The following CACNA2D1 variants were observed in gnomAD, a reference collection of about 807,000 sequenced individuals.
CACNA2D1 encodes calcium voltage-gated channel auxiliary subunit alpha2delta 1.
A neutral mutation model predicts 171.5 loss-of-function variants in CACNA2D1; 53 were observed. The observed-to-expected ratio is 0.31, with a 90% confidence interval of 0.25 to 0.39. The LOEUF (loss-of-function observed/expected upper bound fraction) is 0.39, where lower values mean the gene tolerates loss of function less well. Ranked by LOEUF, CACNA2D1 falls within the 10% of genes least tolerant of loss-of-function variation. CACNA2D1 has a pLI of 1.00. For missense variants in CACNA2D1, 903 were observed against 1,299.8 expected, an observed-to-expected ratio of 0.69 and a Z score of 4.69; for synonymous variants, 442 against 443.1, an observed-to-expected ratio of 1.00 and a Z score of 0.03.
chr7:82,089,226 A>G (rs953981329), intron 6 of CACNA2D1, among the ~76,000 whole-genome samples: 1 of 152,196 alleles, frequency 6.6e-6, no homozygotes, highest in Non-Finnish European at 1.5e-5. Context: ...TGAGATTAGA[A>G]GTACATGAGT....
chr7:82,137,185 AT>A (rs1354251433), intron 4 of CACNA2D1, among the ~76,000 whole-genome samples: 1 of 152,182 alleles, frequency 6.6e-6, no homozygotes, highest in African/African-American at 2.4e-5. Flanking sequence ...ATAGTAAAAA[AT>A]ATCAGATTAT....
chr7:81,986,366 T>A (rs1796969776), intron 21 of CACNA2D1, among the ~76,000 whole-genome samples: 1 of 146,540 alleles, frequency 6.8e-6, no homozygotes, highest in Non-Finnish European at 1.5e-5. Flanking sequence ...TTTAATTAAT[T>A]AATTAATTTT....
At chr7:82,136,406 T>C (rs1031397058) in intron 5 of CACNA2D1, among the ~76,000 whole-genome samples, 7 of 151,928 alleles carry the variant, frequency 4.6e-5, no homozygotes, top group African/African-American at 1.7e-4. Flanking sequence ...AAAAGTGCAG[T>C]GAGGGTTCAG....
intron 1 of CACNA2D1, among the ~76,000 whole-genome samples, chr7:82,372,787 G>T (rs1276743420): frequency 6.6e-6 from 1 of 152,144 alleles, no homozygotes; most frequent in East Asian, 1.9e-4. Context: ...AGCAATGGAT[G>T]ATTAAGTATT....
At chr7:82,166,726 G>A (rs1795492804) in intron 4 of CACNA2D1, among the ~76,000 whole-genome samples, 1 of 151,984 alleles carries the variant, frequency 6.6e-6, no homozygotes, top group East Asian at 1.9e-4. Context: ...ATTGTATGGA[G>A]ACCTAGCAGG....
chr7:82,042,559 G>A (rs141263432), intron 10 of CACNA2D1, among the ~76,000 whole-genome samples: 364 of 152,130 alleles, frequency 2.4e-3, no homozygotes, highest in African/African-American at 8.0e-3. Flanking sequence ...AACTAAGTAG[G>A]TCACTCATTA....
intron 1 of CACNA2D1, among the ~76,000 whole-genome samples, chr7:82,420,540 G>C (rs1249827140): frequency 6.6e-6 from 1 of 152,018 alleles, no homozygotes; most frequent in Non-Finnish European, 1.5e-5. Context: ...GTCAGAAACA[G>C]AACCACTCTC....
intron 4 of CACNA2D1, among the ~76,000 whole-genome samples, chr7:82,152,563 ATAG>A (rs1472385178): frequency 3.0e-4 from 46 of 152,128 alleles, no homozygotes; most frequent in African/African-American, 1.0e-3. Context: ...CATTTATGAG[ATAG>A]TATTATATCA....
At chr7:81,962,855 G>C (rs1021273512) in intron 34 of CACNA2D1, among the ~76,000 whole-genome samples, 9 of 151,914 alleles carry the variant, frequency 5.9e-5, no homozygotes, top group African/African-American at 2.2e-4. Flanking sequence ...AAAACCATTT[G>C]TTTTTTGGGT....
intron 35 of CACNA2D1, 27 bp from the exon 36 acceptor site, chr7:81,962,050 AC>A (rs764890165): frequency 1.2e-6 from 2 of 1,610,760 alleles, no homozygotes; most frequent in African/African-American, 2.7e-5. Context: ...CGGTGTAAAA[AC>A]AAAGAACACC....
intron 2 of CACNA2D1, among the ~76,000 whole-genome samples, chr7:82,349,083 T>C (rs1819566240): frequency 6.6e-6 from 1 of 152,170 alleles, no homozygotes; most frequent in Non-Finnish European, 1.5e-5. Flanking sequence ...AGAACCGTTA[T>C]TACTGATCTC....
chr7:82,225,422 C>A (rs902591202), intron 3 of CACNA2D1, among the ~76,000 whole-genome samples: 1 of 152,110 alleles, frequency 6.6e-6, no homozygotes, highest in African/African-American at 2.4e-5. Context: ...CTACTACCTA[C>A]CAGAATAGGA....
intron 6 of CACNA2D1, among the ~76,000 whole-genome samples, chr7:82,102,186 T>C (rs1359910049): frequency 1.3e-5 from 2 of 152,086 alleles, no homozygotes; most frequent in East Asian, 3.9e-4. Context: ...ACAGTTCTAT[T>C]GTGCAGCTCC....
intron 3 of CACNA2D1, among the ~76,000 whole-genome samples, chr7:82,181,265 C>T (rs936106096): frequency 2.0e-5 from 3 of 151,900 alleles, no homozygotes; most frequent in African/African-American, 4.8e-5. Flanking sequence ...GCTGAGCCAG[C>T]TTGTCAAAGT....
At chr7:82,350,646 C>G (rs758421466) in intron 1 of CACNA2D1, among the ~76,000 whole-genome samples, 5 of 152,280 alleles carry the variant, frequency 3.3e-5, no homozygotes, top group Non-Finnish European at 4.4e-5. Flanking sequence ...GCTCGGGCGA[C>G]AGAGTGAGAC....
At chr7:81,989,373 T>C (rs896570595) in intron 21 of CACNA2D1, among the ~76,000 whole-genome samples, 1 of 152,160 alleles carries the variant, frequency 6.6e-6, no homozygotes, top group East Asian at 1.9e-4. Context: ...AGATCCTTCT[T>C]GTGATTGTGT....
In CACNA2D1 at chr7:82,364,963, C is replaced by T. The variant is rs567707740; in HGVS notation, c.96-15314G>A. On this transcript the variant is annotated intron_variant, in intron 1 of 38. Coordinates refer to ENST00000356860, the MANE Select transcript of CACNA2D1 (RefSeq NM_000722.4). Reference sequence around the variant, plus strand: ...GCTAGGAAACCCAGGGGAAATAACACATTCCTGATTGACCAATTCTCCCTC... The same window carrying T: ...GCTAGGAAACCCAGGGGAAATAACATATTCCTGATTGACCAATTCTCCCTC... 5.9e-5 allele frequency among the ~76,000 whole-genome samples: 9 copies of T among 152,250 alleles called. No homozygotes were observed. The East Asian group carries it at 1.4e-3, about 23-fold the overall frequency.
chr7:82,327,243 G>A (rs1585510461), intron 3 of CACNA2D1, among the ~76,000 whole-genome samples: 1 of 152,282 alleles, frequency 6.6e-6, no homozygotes, highest in African/African-American at 2.4e-5. Flanking sequence ...GAGAAGCAGT[G>A]GCCTAGCTAA....
At chr7:82,166,358 C>T (rs551682764) in intron 4 of CACNA2D1, among the ~76,000 whole-genome samples, 2 of 151,884 alleles carry the variant, frequency 1.3e-5, no homozygotes, top group East Asian at 1.9e-4. Flanking sequence ...TTTTATTTAC[C>T]GGCCAATTTC....
Sources: allele counts gnomAD v4.1 joint callset (sites outside exome capture counted in the v4.1 genomes callset), GRCh38; gene constraint gnomAD v4.1.1; transcripts MANE v1.5; gene names NCBI Gene and HGNC (gene_info 2026-07-23, HGNC 2026-07-21).